Variants in ZFYVE9 observed in about 807,000 individuals in gnomAD.
The protein encoded by ZFYVE9 is zinc finger FYVE-type containing 9, also known as zinc finger FYVE domain-containing protein 9.
In ZFYVE9, 43 loss-of-function variants were observed where a neutral mutation model predicts 126.7. The observed-to-expected ratio is 0.34, with a 90% CI of 0.27 to 0.44. The LOEUF is 0.44. ZFYVE9 is among the 20% of genes least tolerant of loss of function. The pLI, the probability that ZFYVE9 is intolerant of heterozygous loss-of-function variation, is 1.00. For missense variants in ZFYVE9, 1,476 were observed against 1,697.0 expected, an observed-to-expected ratio of 0.87 and a Z score of 2.29; for synonymous variants, 521 against 597.4, an observed-to-expected ratio of 0.87 and a Z score of 1.87.
At chr1:52,233,781 C>A (rs1039288526) in intron 3 of ZFYVE9, among the ~76,000 whole-genome samples, 2 of 152,090 alleles carry the variant, frequency 1.3e-5, no homozygotes, top group South Asian at 2.1e-4. Flanking sequence ...AGATTCACTT[C>A]TTTTGTTTGT....
chr1:52,178,447 T>C (rs1644662401), intron 1 of ZFYVE9, among the ~76,000 whole-genome samples: 1 of 151,228 alleles, frequency 6.6e-6, no homozygotes, highest in Admixed American at 6.6e-5. Context: ...TTCTCTTGCC[T>C]CGGCCTCCTG....
At chr1:52,259,914 G>A (rs1044385406) in intron 4 of ZFYVE9, among the ~76,000 whole-genome samples, 11 of 152,134 alleles carry the variant, frequency 7.2e-5, no homozygotes, top group African/African-American at 1.9e-4. Context: ...TTATGGGAAC[G>A]GGATTCCATT....
chr1:52,224,475 GAGA>G (rs1557466081), intron 2 of ZFYVE9, among the ~76,000 whole-genome samples: 1 of 152,164 alleles, frequency 6.6e-6, no homozygotes, highest in African/African-American at 2.4e-5. Flanking sequence ...TTAGGGGATA[GAGA>G]AGGACAGGTC....
intron 1 of ZFYVE9, among the ~76,000 whole-genome samples, chr1:52,185,356 G>A (rs961472389): frequency 9.2e-5 from 14 of 152,112 alleles, no homozygotes; most frequent in Non-Finnish European, 7.4e-5. Flanking sequence ...CTAAAAGATT[G>A]TAAATTCCCA....
chr1:52,263,853 C>T lies in ZFYVE9; in HGVS notation c.2259C>T (p.Cys753=). 3 of 1,561,132 alleles carry T rather than the reference C, an allele frequency of 1.9e-6. No individual in the cohort carries two copies. The highest frequency in any genetic ancestry group is 2.6e-6 in the Non-Finnish European group (3 of 1,148,518). The part of the protein sequence containing the change: ...DRKEARVCVI[C]HSVLMNAQAW... ...AGGAAGCTAGAGTGTGTGTAATCTGCCATTCAGTGCTAATGAATGGTAAGT... is the reference window on the plus strand; with the variant it reads ...AGGAAGCTAGAGTGTGTGTAATCTGTCATTCAGTGCTAATGAATGGTAAGT... Residue 753 remains cysteine (C), a synonymous_variant, in exon 5 of 19, where the codon TGC becomes TGT. Coordinates refer to ENST00000287727, the MANE Select transcript of ZFYVE9 (RefSeq NM_004799.4).
chr1:52,227,147 G>T (rs957821640), intron 2 of ZFYVE9, among the ~76,000 whole-genome samples: 1 of 152,242 alleles, frequency 6.6e-6, no homozygotes, highest in Admixed American at 6.5e-5. Context: ...GTAAGGAAAG[G>T]CATGGTGGGA....
intron 10 of ZFYVE9, among the ~76,000 whole-genome samples, chr1:52,288,224 C>T (rs949446776): frequency 6.6e-6 from 1 of 152,154 alleles, no homozygotes; most frequent in Non-Finnish European, 1.5e-5. Context: ...AGTGGCTGAA[C>T]CCAGGTTTAA....
chr1:52,291,001 C>A (rs1343830694), intron 10 of ZFYVE9, among the ~76,000 whole-genome samples: 1 of 152,184 alleles, frequency 6.6e-6, no homozygotes, highest in African/African-American at 2.4e-5. Flanking sequence ...AAACCCATAT[C>A]TCTGGGACTC....
chr1:52,300,177 T>C (rs1377886858), intron 12 of ZFYVE9, among the ~76,000 whole-genome samples: 1 of 152,118 alleles, frequency 6.6e-6, no homozygotes, highest in African/African-American at 2.4e-5. Context: ...GCCACTCCAG[T>C]TGAAATATAG....
intron 10 of ZFYVE9, among the ~76,000 whole-genome samples, chr1:52,283,216 A>T (rs1186180076): frequency 6.6e-6 from 1 of 152,180 alleles, no homozygotes; most frequent in African/African-American, 2.4e-5. Context: ...TCACTTTTAA[A>T]CACTCTAGAA....
Position 52,346,333 on chromosome 1 carries a change from GTGGGGAATA to G in ZFYVE9, c.*113_*121del. The G allele has an allele frequency of 1.9e-6, 2 of 1,072,932 alleles. No individual in the cohort carries two copies. Among genetic ancestry groups the G allele is most frequent in the Non-Finnish European group, 2.6e-6 (2 of 777,694 alleles). The allele number at this position is 1,072,932 out of a possible 1,614,324, so 66.5% of individuals were successfully genotyped here. On this transcript the variant is annotated 3_prime_UTR_variant, in exon 19 of 19. Coordinates refer to ENST00000287727, the MANE Select transcript of ZFYVE9 (RefSeq NM_004799.4). Reference sequence around the variant, plus strand: ...AGCTTTTGTTAACACTATTAATGGGGTGGGGAATAGGGTGGGAGTGGGGGTTTGGGAGAC... The same window carrying G: ...AGCTTTTGTTAACACTATTAATGGGGGGGTGGGAGTGGGGGTTTGGGAGAC...
intron 7 of ZFYVE9, 21 bp downstream of exon 7, chr1:52,268,653 C>T: frequency 6.2e-7 from 1 of 1,609,862 alleles, no homozygotes; most frequent in South Asian, 1.1e-5. Flanking sequence ...AAAACAGCAA[C>T]TAAAATTGCA....
rs574308757 is a variant in ZFYVE9, at chr1:52,281,768, A to C, written c.2977A>C (p.Lys993Gln). 1.2e-6 allele frequency: 2 copies of C among 1,614,190 alleles called. No homozygotes were observed. The highest frequency in any genetic ancestry group is 2.2e-5 in the South Asian group (2 of 91,082). ...QCLPDEKCLP[K>Q]DIFNHFVQLY... ...TTTACCGGATGAAAAGTGTTTGCCA[A>C]AGGATATCTTTAATCACTTTGTGCA... The change falls in exon 10 of 19, where the codon AAG becomes CAG. Residue 993 changes from lysine to glutamine, a missense_variant. Lys to Gln is a moderately conservative substitution (Grantham distance 53). Coordinates refer to ENST00000287727, the MANE Select transcript of ZFYVE9 (RefSeq NM_004799.4).
chr1:52,175,561 G>A (rs1376902317), intron 1 of ZFYVE9, among the ~76,000 whole-genome samples: 1 of 150,920 alleles, frequency 6.6e-6, no homozygotes, highest in East Asian at 1.9e-4. Context: ...TGCCTTGCTA[G>A]ATTGGGGAAG....
chr1:52,323,725 C>T (rs1393000755), intron 13 of ZFYVE9, among the ~76,000 whole-genome samples: 6 of 152,032 alleles, frequency 3.9e-5, no homozygotes, highest in African/African-American at 1.4e-4. Flanking sequence ...AGCAGCCTGG[C>T]TATCATGGTG....
chr1:52,230,152 G>A (rs995785023), intron 2 of ZFYVE9, among the ~76,000 whole-genome samples: 3 of 152,150 alleles, frequency 2.0e-5, no homozygotes, highest in Non-Finnish European at 2.9e-5. Context: ...ACAGGCGTGA[G>A]CCTCCGCGCC....
chr1:52,278,690 C>A, intron 9 of ZFYVE9, 76 bp downstream of exon 9: 18 of 935,558 alleles, frequency 1.9e-5, no homozygotes, highest in East Asian at 2.9e-5. Context: ...AGATTTATTA[C>A]ACACAAGTAT....
chr1:52,159,188 C>T (rs935972467), intron 1 of ZFYVE9, among the ~76,000 whole-genome samples: 2 of 152,186 alleles, frequency 1.3e-5, no homozygotes, highest in Non-Finnish European at 2.9e-5. Flanking sequence ...TCACAACTTG[C>T]GTGTTAACAC....
At chr1:52,181,169 C>T (rs1251282181) in intron 1 of ZFYVE9, among the ~76,000 whole-genome samples, 1 of 152,130 alleles carries the variant, frequency 6.6e-6, no homozygotes, top group African/African-American at 2.4e-5. Context: ...TCTCGGCTCA[C>T]TGCAACCTCC....
Sources: allele counts gnomAD v4.1 joint callset (sites outside exome capture counted in the v4.1 genomes callset), GRCh38; gene constraint gnomAD v4.1.1; transcripts MANE v1.5; gene names NCBI Gene and HGNC (gene_info 2026-07-23, HGNC 2026-07-21).